Variants in MROH9 observed in about 807,000 individuals in gnomAD.
The protein encoded by MROH9 is maestro heat like repeat family member 9.
Under a neutral mutation model 98.2 loss-of-function variants are expected in MROH9, and 92 were observed. The observed-to-expected ratio is 0.94, with a 90% CI of 0.79 to 1.11. MROH9 has a LOEUF of 1.11. Among genes scored for constraint, MROH9 ranks in the 50% most tolerant of loss-of-function variants. The probability of loss-of-function intolerance (pLI) is 0.00; values close to 1 mark genes in which losing one functional copy is unlikely to be tolerated. For missense variants in MROH9, 1,057 were observed against 1,014.8 expected, an observed-to-expected ratio of 1.04 and a Z score of -0.57; for synonymous variants, 397 against 368.9, an observed-to-expected ratio of 1.08 and a Z score of -0.87.
chr1:170,973,595 G>A (rs1571465044), intron 8 of MROH9, among the ~76,000 whole-genome samples: 1 of 152,164 alleles, frequency 6.6e-6, no homozygotes, highest in African/African-American at 2.4e-5. Context: ...AAATTATTAG[G>A]TTGGGCACGG....
intron 15 of MROH9, among the ~76,000 whole-genome samples, chr1:171,013,874 T>TACAC (rs34557125): frequency 6.9e-4 from 99 of 144,382 alleles, no homozygotes; most frequent in Admixed American, 1.0e-3. Context: ...GTAAAATACA[T>TACAC]ACACACACAC....
In MROH9 at chr1:170,998,446, G is replaced by A. The variant is rs772798514; in HGVS notation, c.1596+172G>A. The A allele has an allele frequency of 4.5e-6, 7 of 1,564,920 alleles. No individual in the cohort carries two copies. The African/African-American group carries it at 8.1e-5, about 18-fold the overall frequency. On this transcript the variant is annotated intron_variant, in intron 15 of 21. Transcript: ENST00000367759. ...GGGAGAGGTGTGGAGTTAGATCTGG[G>A]TTATGGAAGAGTTGTCCCTTCAGCT... is the stretch of plus-strand genomic sequence containing the variant.
intron 4 of MROH9, 21 bp downstream of exon 4, chr1:170,958,561 C>G (rs1309727492): frequency 5.4e-6 from 8 of 1,478,852 alleles, no homozygotes; most frequent in African/African-American, 1.4e-5. Flanking sequence ...CTATCATGCT[C>G]TTTTATTTCA....
At chr1:170,951,918 G>T (rs16863859) in intron 3 of MROH9, among the ~76,000 whole-genome samples, 25,267 of 151,940 alleles carry the variant, frequency 0.17, 2,915 homozygotes, top group African/African-American at 0.33. Context: ...GCCATGGGAC[G>T]GTAATCAACA....
At chr1:170,989,753 T>C in intron 10 of MROH9, 102 bp from the exon 11 acceptor site, 1 of 1,075,888 alleles carries the variant, frequency 9.3e-7, no homozygotes, top group Non-Finnish European at 1.3e-6. Flanking sequence ...GCTGCTTTGG[T>C]AATTCTGAGA....
chr1:170,995,564 A>G, intron 13 of MROH9, 33 bp downstream of exon 13: 2 of 1,610,102 alleles, frequency 1.2e-6, no homozygotes, highest in South Asian at 1.1e-5. Context: ...AGATTAAATA[A>G]GAGATAAGCG....
intron 14 of MROH9, 90 bp from the exon 15 acceptor site, chr1:170,998,064 T>C (rs1243815873): frequency 5.2e-6 from 5 of 962,960 alleles, no homozygotes; most frequent in Non-Finnish European, 7.8e-6. Flanking sequence ...ATCTGGGAGG[T>C]GCAAGATATT....
chr1:171,031,169 T>C (rs1277563081), intron 20 of MROH9, among the ~76,000 whole-genome samples: 1 of 152,222 alleles, frequency 6.6e-6, no homozygotes, highest in Non-Finnish European at 1.5e-5. Context: ...ATTTTGAGCC[T>C]ATGTGTGTCT....
At chr1:171,057,106 G>A (rs553519486) in intron 20 of MROH9, among the ~76,000 whole-genome samples, 25 of 152,310 alleles carry the variant, frequency 1.6e-4, no homozygotes, top group Admixed American at 3.9e-4. Flanking sequence ...AGCACTGGAC[G>A]GAGGATGAGA....
At chr1:170,952,264 G>C (rs1571442584) in intron 3 of MROH9, among the ~76,000 whole-genome samples, 1 of 152,076 alleles carries the variant, frequency 6.6e-6, no homozygotes, top group Admixed American at 6.6e-5. Flanking sequence ...ATACCCAAAG[G>C]ATTATAAGTC....
rs756572670 is a variant in MROH9, at chr1:170,986,580, T to C, written c.749T>C (p.Leu250Pro). The change falls in exon 10 of 22, where the codon CTG becomes CCG. Residue 250 changes from leucine (L) to proline (P), a missense_variant. Transcript: ENST00000367759. ...KIAQRVGQTL[L>P]PPLLTDFVQS... ...TTGCAGAGAGTAGGGCAAACCTTAC[T>C]GCCTCCCTTGCTGACTGACTTTGTG... 4 of 1,613,668 alleles carry C rather than the reference T, an allele frequency of 2.5e-6. No individual in the cohort carries two copies. Among genetic ancestry groups the C allele is most frequent in the Non-Finnish European group, 3.4e-6 (4 of 1,179,800 alleles).
At chr1:170,970,071 C>A (rs1026678127) in intron 7 of MROH9, among the ~76,000 whole-genome samples, 4 of 152,114 alleles carry the variant, frequency 2.6e-5, no homozygotes, top group African/African-American at 9.7e-5. Context: ...ACATACTCTG[C>A]TAGAGACATA....
At chr1:171,026,274 C>G (rs1652709550) in intron 20 of MROH9, among the ~76,000 whole-genome samples, 1 of 139,420 alleles carries the variant, frequency 7.2e-6, no homozygotes, top group Non-Finnish European at 1.5e-5. Context: ...CTGTCATTTT[C>G]TTTTCTTTTT....
In MROH9 at chr1:171,024,460, G is replaced by A. The variant is rs1455816287; in HGVS notation, c.1974G>A (p.Gln658=). ...HFGQLVRDMR[Q]YTWMVNDVVL... ...GTCAATTAGTTAGGGATATGAGACA[G>A]TACACATGGATGGTGAATGATGTGG... Residue 658 remains glutamine, a synonymous_variant, in exon 18 of 22, where the codon CAG becomes CAA. Transcript: ENST00000367759. 6.4e-7 allele frequency: 1 copy of A among 1,551,042 alleles called. No individual in the cohort carries two copies. The highest frequency in any genetic ancestry group is 8.7e-7 in the Non-Finnish European group (1 of 1,146,744).
intron 3 of MROH9, among the ~76,000 whole-genome samples, chr1:170,950,213 G>T (rs1338706738): frequency 6.6e-6 from 1 of 152,004 alleles, no homozygotes; most frequent in Non-Finnish European, 1.5e-5. Flanking sequence ...CAAAATCCTT[G>T]CCTGCTCTGG....
chr1:170,996,708 A>G (rs1029122432), intron 14 of MROH9, 64 bp downstream of exon 14: 20 of 1,532,406 alleles, frequency 1.3e-5, no homozygotes, highest in Middle Eastern at 1.9e-4. Context: ...ACTTCCTTCA[A>G]TAAGCCATGC....
chr1:171,040,560 T>G (rs1653264368), intron 20 of MROH9, among the ~76,000 whole-genome samples: 1 of 152,136 alleles, frequency 6.6e-6, no homozygotes, highest in Admixed American at 6.6e-5. Flanking sequence ...CAAATTTTAT[T>G]TTCTGATTAC....
intron 6 of MROH9, 127 bp downstream of exon 6, chr1:170,962,103 C>A: frequency 1.8e-6 from 1 of 568,298 alleles, no homozygotes; most frequent in Non-Finnish European, 3.1e-6. Context: ...TTTTTCTTTA[C>A]CACAGAAGAG....
intron 2 of MROH9, among the ~76,000 whole-genome samples, chr1:170,946,902 TATG>T (rs1239183304): frequency 1.3e-5 from 2 of 152,032 alleles, no homozygotes; most frequent in African/African-American, 4.8e-5. Context: ...TACTGTTTCC[TATG>T]AAGTTATAAT....
Sources: gnomAD v4.1 joint callset for allele counts (sites outside exome capture counted in the v4.1 genomes callset) on GRCh38, gnomAD v4.1.1 for gene constraint, MANE v1.5 for transcripts, NCBI Gene and HGNC (gene_info 2026-07-23, HGNC 2026-07-21) for gene names.